ST6GALNAC5: variants seen among roughly 807,000 people sequenced by gnomAD.
ST6GALNAC5 encodes the protein ST6 N-acetylgalactosaminide alpha-2,6-sialyltransferase 5, also known as alpha-N-acetylgalactosaminide alpha-2,6-sialyltransferase 5.
In ST6GALNAC5, 27 loss-of-function variants were observed where a neutral mutation model predicts 33.6. The ratio of observed to expected loss-of-function variants is 0.80; its 90% confidence interval spans 0.59 to 1.11. ST6GALNAC5 has a LOEUF of 1.11. ST6GALNAC5 is among the 50% of genes least tolerant of loss of function. The pLI, the probability that ST6GALNAC5 is intolerant of heterozygous loss-of-function variation, is 0.00. For synonymous variants in ST6GALNAC5, 194 were observed against 171.2 expected (o/e 1.13, Z -1.04); for missense variants, 428 against 454.0 (o/e 0.94, Z 0.52).
intron 2 of ST6GALNAC5, among the ~76,000 whole-genome samples, chr1:77,011,430 T>G (rs1481651206): frequency 6.6e-6 from 1 of 152,220 alleles, no homozygotes. Flanking sequence ...CCATTAGAGA[T>G]ATTCCCTGGG....
chr1:76,952,646 T>C (rs1647796667), intron 2 of ST6GALNAC5, among the ~76,000 whole-genome samples: 1 of 152,126 alleles, frequency 6.6e-6, no homozygotes, highest in Admixed American at 6.6e-5. Context: ...GCAACATCAC[T>C]ATGTACCCCA....
chr1:76,871,484 T>G (rs1240546842), intron 2 of ST6GALNAC5: 1 of 152,244 alleles, frequency 6.6e-6, no homozygotes, highest in Non-Finnish European at 1.5e-5. Context: ...TACATGATGT[T>G]GTTAACATTA....
chr1:76,960,077 T>C (rs1284194375), intron 2 of ST6GALNAC5, among the ~76,000 whole-genome samples: 1 of 152,128 alleles, frequency 6.6e-6, no homozygotes, highest in African/African-American at 2.4e-5. Context: ...AAATATACAC[T>C]ATGTTGGTAT....
intron 4 of ST6GALNAC5, among the ~76,000 whole-genome samples, chr1:77,057,186 A>T (rs1465165843): frequency 1.3e-5 from 2 of 152,176 alleles, no homozygotes; most frequent in African/African-American, 4.8e-5. Flanking sequence ...TTCTAGAGAG[A>T]GGCAAAGACA....
At chr1:77,061,833 G>C (rs967439814) in intron 4 of ST6GALNAC5, among the ~76,000 whole-genome samples, 25 of 152,290 alleles carry the variant, frequency 1.6e-4, no homozygotes, top group African/African-American at 5.3e-4. Flanking sequence ...AAATGAGCCA[G>C]TACTTCCTGT....
At chr1:77,027,498 A>G (rs1274002112) in intron 2 of ST6GALNAC5, among the ~76,000 whole-genome samples, 5 of 152,232 alleles carry the variant, frequency 3.3e-5, no homozygotes, top group Non-Finnish European at 5.9e-5. Context: ...AACCACCATT[A>G]TAACCGAGTT....
intron 2 of ST6GALNAC5, among the ~76,000 whole-genome samples, chr1:77,008,534 T>G (rs946392142): frequency 6.6e-6 from 1 of 152,052 alleles, no homozygotes; most frequent in African/African-American, 2.4e-5. Flanking sequence ...GCTGTTATCT[T>G]TTTTTTATTT....
At chr1:77,050,172 A>G (rs1236383891) in intron 3 of ST6GALNAC5, 86 bp from the exon 4 acceptor site, 1 of 1,092,408 alleles carries the variant, frequency 9.2e-7, no homozygotes, top group Non-Finnish European at 1.4e-6. Context: ...GTTTATAGTT[A>G]GCCTTACTCT....
chr1:76,920,877 A>G (rs912669897), intron 2 of ST6GALNAC5, among the ~76,000 whole-genome samples: 3 of 152,170 alleles, frequency 2.0e-5, no homozygotes, highest in Non-Finnish European at 4.4e-5. Flanking sequence ...ATATGGTGGA[A>G]AGTAGAATAG....
In ST6GALNAC5 at chr1:77,001,885, G is replaced by T. The variant is rs369085693; in HGVS notation, c.262-42319G>T. The stretch of plus-strand genomic sequence containing the variant: ...AGCTTTTTGATGTGCTGCTGGATTC[G>T]TTTTGCCAGTATTTTATTGAGGATT... On this transcript the variant is annotated intron_variant, in intron 2 of 4. Coordinates refer to ENST00000477717, the MANE Select transcript of ST6GALNAC5 (RefSeq NM_030965.3). Among the ~76,000 whole-genome samples the T allele has an allele frequency of 2.6e-5, 4 of 151,950 alleles. No individual in the cohort carries two copies. In the South Asian group the frequency reaches 6.2e-4, roughly 24 times the overall value.
chr1:77,016,176 CCTCCCCCTCCTCCTCCTG>C (rs879631971), intron 2 of ST6GALNAC5, among the ~76,000 whole-genome samples: 9,952 of 19,918 alleles, frequency 0.5, 1,613 homozygotes, highest in East Asian at 0.55. Context: ...CTCCTCCTGT[CCTCCCCCTCCTCCTCCTG>C]TATCTCCTCC....
intron 2 of ST6GALNAC5, among the ~76,000 whole-genome samples, chr1:77,026,444 C>T (rs1342630090): frequency 1.3e-5 from 2 of 152,166 alleles, no homozygotes; most frequent in African/African-American, 4.8e-5. Context: ...GGAGCTGGGA[C>T]TGATTCATCT....
At chr1:77,002,065 G>C (rs2100411179) in intron 2 of ST6GALNAC5, among the ~76,000 whole-genome samples, 1 of 152,086 alleles carries the variant, frequency 6.6e-6, no homozygotes, top group South Asian at 2.1e-4. Context: ...AGAAGGAATG[G>C]TACCAGTTCC....
At chr1:77,021,499 C>T (rs754303224) in intron 2 of ST6GALNAC5, among the ~76,000 whole-genome samples, 5 of 152,106 alleles carry the variant, frequency 3.3e-5, no homozygotes, top group African/African-American at 7.2e-5. Flanking sequence ...TGCTTGATGA[C>T]TTGATGTGAT....
intron 2 of ST6GALNAC5, among the ~76,000 whole-genome samples, chr1:76,942,192 A>G (rs1427292443): frequency 6.6e-6 from 1 of 152,116 alleles, no homozygotes; most frequent in Non-Finnish European, 1.5e-5. Flanking sequence ...GAACACTCAT[A>G]ATTGGCCTTT....
At chr1:77,050,012 G>T (rs1173011193) in intron 3 of ST6GALNAC5, among the ~76,000 whole-genome samples, 4 of 152,196 alleles carry the variant, frequency 2.6e-5, no homozygotes, top group Non-Finnish European at 5.9e-5. Flanking sequence ...TGATGCAGAA[G>T]TCCCTTGAGC....
At chr1:76,914,245 G>A (rs188548796) in intron 2 of ST6GALNAC5, among the ~76,000 whole-genome samples, 5,582 of 152,144 alleles carry the variant, frequency 0.037, 353 homozygotes, top group African/African-American at 0.13. Flanking sequence ...AATCAATATC[G>A]TGAAAAATGG....
chr1:76,992,559 A>T (rs1437031575), intron 2 of ST6GALNAC5, among the ~76,000 whole-genome samples: 1 of 152,104 alleles, frequency 6.6e-6, no homozygotes, highest in African/African-American at 2.4e-5. Context: ...CGATGGTGCA[A>T]TCTCAGCTCA....
At position 77,063,239 on chromosome 1, in the gene ST6GALNAC5, T is replaced by G; in HGVS notation, c.*33T>G. ...GCATGCCAGACTGTAATCCCAGGTA[T>G]TCACTGCATCAGACACCGAGACACT... On this transcript the variant is annotated 3_prime_UTR_variant, in exon 5 of 5. Transcript: ENST00000477717. 6.3e-7 allele frequency: 1 copy of G among 1,593,140 alleles called. No individual in the cohort carries two copies. The highest frequency in any genetic ancestry group is 8.6e-7 in the Non-Finnish European group (1 of 1,162,288).
Sources: allele counts gnomAD v4.1 joint callset (sites outside exome capture counted in the v4.1 genomes callset), GRCh38; gene constraint gnomAD v4.1.1; transcripts MANE v1.5; gene names NCBI Gene and HGNC (gene_info 2026-07-23, HGNC 2026-07-21).